The following ANKDD1A variants were observed in gnomAD, a reference collection of about 807,000 sequenced individuals.
The protein encoded by ANKDD1A is ankyrin repeat and death domain-containing protein 1A.
A neutral mutation model predicts 63.5 loss-of-function variants in ANKDD1A; 59 were observed. That is an observed-to-expected ratio of 0.93 (90% CI 0.75 to 1.15). ANKDD1A has a LOEUF of 1.15. ANKDD1A is among the 50% of genes most tolerant of loss of function. The probability of loss-of-function intolerance (pLI) is 0.00; values close to 1 mark genes in which losing one functional copy is unlikely to be tolerated. For synonymous variants in ANKDD1A, 266 were observed against 263.9 expected, an observed-to-expected ratio of 1.01 and a Z score of -0.08; for missense variants, 632 against 656.4, an observed-to-expected ratio of 0.96 and a Z score of 0.41.
chr15:64,954,166 CT>C (rs1491340563), intron 14 of ANKDD1A, among the ~76,000 whole-genome samples: 1 of 128,852 alleles, frequency 7.8e-6, no homozygotes, highest in Non-Finnish European at 1.7e-5. Flanking sequence ...ATTCTTTCTT[CT>C]TTCTTTTCTT....
chr15:64,953,538 C>CTTCCTTCTCCTTTT (rs1566917601), intron 14 of ANKDD1A, among the ~76,000 whole-genome samples: 6 of 124,590 alleles, frequency 4.8e-5, no homozygotes, highest in Non-Finnish European at 6.5e-5. Flanking sequence ...CTTCTCCTCT[C>CTTCCTTCTCCTTTT]CTTCTTCCTT....
chr15:64,947,923 G>A (rs2085236926), intron 13 of ANKDD1A, among the ~76,000 whole-genome samples: 1 of 152,138 alleles, frequency 6.6e-6, no homozygotes, highest in Admixed American at 6.5e-5. Flanking sequence ...TGGAAATTTT[G>A]GCCCTGGTAC....
chr15:64,956,124 C>T (rs1044739021), intron 14 of ANKDD1A, among the ~76,000 whole-genome samples: 23 of 151,746 alleles, frequency 1.5e-4, no homozygotes, highest in Admixed American at 7.9e-4. Flanking sequence ...GATACAGGTA[C>T]ATTAAACCGA....
chr15:64,927,062 C>G lies in ANKDD1A; in HGVS notation c.570+63C>G, dbSNP rs559092473. The G allele has an allele frequency of 1.9e-6, 3 of 1,561,610 alleles. No homozygotes were observed. In the Admixed American group the frequency reaches 5.0e-5, roughly 26 times the overall value. ...TGCAAAACTTGCCACCTTCCAGGCT[C>G]TGGCTCCTCACCTGTGTCCACGTCT... On this transcript the variant is annotated intron_variant, in intron 6 of 14. Coordinates refer to ENST00000319580, the MANE Select transcript of ANKDD1A (RefSeq NM_182703.6).
chr15:64,933,844 A>G (rs953305774), intron 8 of ANKDD1A, among the ~76,000 whole-genome samples: 11 of 149,718 alleles, frequency 7.3e-5, no homozygotes, highest in Non-Finnish European at 1.5e-4. Context: ...CTGTCTCGGG[A>G]AAAAAAAAAG....
chr15:64,933,579 C>A (rs1020232458), intron 8 of ANKDD1A, among the ~76,000 whole-genome samples: 2 of 151,360 alleles, frequency 1.3e-5, no homozygotes, highest in Admixed American at 6.6e-5. Context: ...TGCGGTGGCT[C>A]ACGCCTGTAA....
chr15:64,953,304 TTAC>T (rs1325052515), intron 14 of ANKDD1A, among the ~76,000 whole-genome samples: 1 of 148,750 alleles, frequency 6.7e-6, no homozygotes, highest in Non-Finnish European at 1.5e-5. Flanking sequence ...TCTTCTTCTT[TTAC>T]TTTTTTCTTT....
chr15:64,921,898 C>A, intron 3 of ANKDD1A, 23 bp from the exon 4 acceptor site: 1 of 1,609,842 alleles, frequency 6.2e-7, no homozygotes, highest in Non-Finnish European at 8.5e-7. Context: ...TTCTTCTCAC[C>A]TCCTCTATGT....
At chr15:64,927,082 A>G in intron 6 of ANKDD1A, 83 bp downstream of exon 6, 31 of 1,436,712 alleles carry the variant, frequency 2.2e-5, no homozygotes, top group Non-Finnish European at 3.0e-5. Flanking sequence ...ACCTGTGTCC[A>G]CGTCTGACTC....
chr15:64,912,094 C>T (rs143054463), intron 1 of ANKDD1A, 130 bp downstream of exon 1: 2 of 944,332 alleles, frequency 2.1e-6, no homozygotes, highest in Admixed American at 8.6e-5. Flanking sequence ...CTGTGTGGCT[C>T]CGAGCGGAAT....
chr15:64,950,364 G>A, intron 14 of ANKDD1A: 1 of 985,320 alleles, frequency 1.0e-6, no homozygotes, highest in Non-Finnish European at 1.2e-6. Context: ...AATATGAGTT[G>A]AACCAGTCAA....
chr15:64,927,520 G>GTA (rs1325034627), intron 6 of ANKDD1A, among the ~76,000 whole-genome samples: 2 of 152,154 alleles, frequency 1.3e-5, no homozygotes, highest in Non-Finnish European at 2.9e-5. Context: ...TAAGGGACGG[G>GTA]GACCAGAGGG....
chr15:64,952,207 CTCTTTCTTCT>C (rs1284406511), intron 14 of ANKDD1A, among the ~76,000 whole-genome samples: 1 of 141,322 alleles, frequency 7.1e-6, no homozygotes, highest in Non-Finnish European at 1.5e-5. Context: ...TTCTTCTTTC[CTCTTTCTTCT>C]TCTTCCTTCT....
At chr15:64,930,982 AC>A in intron 7 of ANKDD1A, 62 bp downstream of exon 7, 2 of 1,529,922 alleles carry the variant, frequency 1.3e-6, no homozygotes, top group South Asian at 2.3e-5. Flanking sequence ...CCTTCGAGGA[AC>A]CCCCACCAGT....
intron 13 of ANKDD1A, 136 bp from the exon 14 acceptor site, chr15:64,949,705 G>A (rs1337697942): frequency 7.6e-7 from 1 of 1,313,222 alleles, no homozygotes; most frequent in African/African-American, 1.5e-5. Flanking sequence ...GCATGGAGAA[G>A]GGCCTTGGAG....
intron 4 of ANKDD1A, among the ~76,000 whole-genome samples, chr15:64,923,684 C>G (rs2085024553): frequency 6.6e-6 from 1 of 152,124 alleles, no homozygotes; most frequent in African/African-American, 2.4e-5. Context: ...AAGATCTGAA[C>G]TGGAGTGTGG....
intron 4 of ANKDD1A, among the ~76,000 whole-genome samples, chr15:64,922,648 T>G (rs147429360): frequency 1.3e-4 from 20 of 152,338 alleles, no homozygotes; most frequent in African/African-American, 4.6e-4. Context: ...CATTTTTTTC[T>G]TTCTTTCTTT....
chr15:64,949,451 C>T (rs2085251386), intron 13 of ANKDD1A, among the ~76,000 whole-genome samples: 1 of 152,144 alleles, frequency 6.6e-6, no homozygotes, highest in Admixed American at 6.5e-5. Flanking sequence ...CACTATCATG[C>T]AAGACACAGA....
At chr15:64,943,662 C>T (rs116578617) in intron 11 of ANKDD1A, 80 bp downstream of exon 11, 21,307 of 1,252,120 alleles carry the variant, frequency 0.017, 227 homozygotes, top group Non-Finnish European at 0.022. Flanking sequence ...AATGCCCCCT[C>T]CCTCCTCCTT....
Sources: allele counts gnomAD v4.1 joint callset (sites outside exome capture counted in the v4.1 genomes callset), GRCh38; gene constraint gnomAD v4.1.1; transcripts MANE v1.5; gene names NCBI Gene and HGNC (gene_info 2026-07-23, HGNC 2026-07-21).